ARL5B: variants seen among roughly 807,000 people sequenced by gnomAD.
The protein encoded by ARL5B is ARF like GTPase 5B.
Under a neutral mutation model 26.9 loss-of-function variants are expected in ARL5B, and 10 were observed. The ratio of observed to expected loss-of-function variants is 0.37; its 90% CI spans 0.23 to 0.63. The LOEUF (loss-of-function observed/expected upper bound fraction) is 0.63, where lower values mean the gene tolerates loss of function less well. Among genes scored for constraint, ARL5B ranks in the 30% least tolerant of loss-of-function variants. The pLI is 0.62. For synonymous variants in ARL5B, 87 were observed against 70.4 expected (o/e 1.24, Z -1.18); for missense variants, 167 against 213.9 (o/e 0.78, Z 1.37).
At chr10:18,671,102 G>A (rs566037230) in intron 3 of ARL5B, among the ~76,000 whole-genome samples, 6 of 152,188 alleles carry the variant, frequency 3.9e-5, no homozygotes, top group South Asian at 2.1e-4. Context: ...TTTGCCACGC[G>A]ACATTCTTTC....
chr10:18,669,849 C>T (rs950919087), intron 3 of ARL5B, among the ~76,000 whole-genome samples: 52 of 151,876 alleles, frequency 3.4e-4, no homozygotes, highest in African/African-American at 1.2e-3. Context: ...AAAAACTAGC[C>T]GGGCGTGGTG....
chr10:18,672,141 T>C (rs1035204670), intron 3 of ARL5B, among the ~76,000 whole-genome samples: 4 of 152,232 alleles, frequency 2.6e-5, no homozygotes, highest in African/African-American at 9.6e-5. Flanking sequence ...AATTGTCTTA[T>C]TTTTAAAATG....
Position 18,678,162 on chromosome 10 carries a change from T to C in ARL5B, c.*2946T>C, listed in dbSNP as rs1014333958. On this transcript the variant is annotated 3_prime_UTR_variant, in exon 6 of 6. Transcript: ENST00000377275. ...TAACTTAATTCCTTAAAACCTGGAA[T>C]ATTAATATATATAATCTATTAAAAG... 4.0e-5 allele frequency: 6 copies of C among 151,806 alleles called. No individual in the cohort carries two copies. Among genetic ancestry groups the C allele is most frequent in the African/African-American group, 1.4e-4 (6 of 41,428 alleles). 9.4% of individuals were successfully genotyped at this position (151,806 alleles called of 1,614,324 possible).
intron 3 of ARL5B, among the ~76,000 whole-genome samples, chr10:18,670,700 G>C (rs1194179462): frequency 6.6e-6 from 1 of 152,218 alleles, no homozygotes; most frequent in African/African-American, 2.4e-5. Context: ...TAAGCTCACA[G>C]TTAACTCCAG....
chr10:18,672,279 A>G (rs1453740768), intron 3 of ARL5B, among the ~76,000 whole-genome samples: 1 of 152,240 alleles, frequency 6.6e-6, no homozygotes, highest in Non-Finnish European at 1.5e-5. Flanking sequence ...AGTGAAAAAT[A>G]TTATTGAAAT....
rs529846860 is a variant in ARL5B at position 18,679,867 on chromosome 10, A to G, written c.*4651A>G. ...TGAATTTCTGCCTCTCCTCGTATTT[A>G]GGGTACTTAAAATTACTAAAAAATA... On this transcript the variant is annotated 3_prime_UTR_variant, in exon 6 of 6. Transcript: ENST00000377275. 1 of 151,960 alleles carries G rather than the reference A, an allele frequency of 6.6e-6. No individual in the cohort carries two copies. The highest frequency in any genetic ancestry group is 1.5e-5 in the Non-Finnish European group (1 of 67,870). 9.4% of individuals were successfully genotyped at this position (151,960 alleles called of 1,614,324 possible). A position where few individuals can be genotyped will look rare whatever the true frequency, so the allele number is the denominator to read the frequency against.
At chr10:18,668,970 C>T (rs1189659203) in intron 3 of ARL5B, among the ~76,000 whole-genome samples, 4 of 152,034 alleles carry the variant, frequency 2.6e-5, no homozygotes, top group African/African-American at 9.7e-5. Context: ...GGGGTTTCAC[C>T]ATATTGATCA....
chr10:18,668,463 CAG>C, intron 2 of ARL5B, 65 bp from the exon 3 acceptor site: 1 of 1,542,876 alleles, frequency 6.5e-7, no homozygotes, highest in Non-Finnish European at 8.9e-7. Flanking sequence ...CTTAAAAATA[CAG>C]AGATAAAAGT....
rs538867066 is a variant in ARL5B, at chr10:18,672,667, A to G, written c.301A>G (p.Ile101Val). The G allele has an allele frequency of 5.0e-6, 8 of 1,610,796 alleles. No individual in the cohort carries two copies. Among genetic ancestry groups the G allele is most frequent in the South Asian group, 2.2e-5 (2 of 90,716 alleles). The change falls in exon 4 of 6, where the codon ATT becomes GTT. Residue 101 changes from isoleucine to valine, a missense_variant. By Grantham distance (29) the Ile-to-Val change is conservative (BLOSUM62 3). Transcript: ENST00000377275. ...TAGCATTGACAGGGAACGACTAGCT[A>G]TTACAAAAGAAGAATTATACAGAAT... The part of the protein sequence containing the change: ...VDSIDRERLA[I>V]TKEELYRMLA...
rs191441582 is a variant in ARL5B, at chr10:18,680,413, G to A, written c.*5197G>A. On this transcript the variant is annotated 3_prime_UTR_variant, in exon 6 of 6. Coordinates refer to ENST00000377275, the MANE Select transcript of ARL5B (RefSeq NM_178815.5). The stretch of plus-strand genomic sequence containing the variant: ...ATTTAATTAGTTTAATTAGATAAGG[G>A]AAAGGAGAAATCCTAAATTTGATGG... 2 of 152,156 alleles carry A rather than the reference G, an allele frequency of 1.3e-5. No homozygotes were observed. The highest frequency in any genetic ancestry group is 3.9e-4 in the East Asian group (2 of 5,190). 9.4% of individuals were successfully genotyped at this position (152,156 alleles called of 1,614,324 possible).
At chr10:18,668,474 G>GT in intron 2 of ARL5B, 56 bp from the exon 3 acceptor site, 1 of 1,586,246 alleles carries the variant, frequency 6.3e-7, no homozygotes, top group Non-Finnish European at 8.6e-7. Context: ...AGAGATAAAA[G>GT]TTGCTTCAGA....
At chr10:18,671,343 T>C (rs1392450099) in intron 3 of ARL5B, among the ~76,000 whole-genome samples, 5 of 152,068 alleles carry the variant, frequency 3.3e-5, no homozygotes, top group Non-Finnish European at 7.4e-5. Flanking sequence ...GGCTGATTTT[T>C]GTGTTTTTAA....
intron 3 of ARL5B, among the ~76,000 whole-genome samples, chr10:18,671,075 A>G (rs1417536255): frequency 1.3e-5 from 2 of 151,410 alleles, no homozygotes; most frequent in Non-Finnish European, 2.9e-5. Context: ...TGTTTCCCAT[A>G]TTCTGTTGAT....
intron 2 of ARL5B, among the ~76,000 whole-genome samples, chr10:18,668,090 T>C (rs2059869617): frequency 6.6e-6 from 1 of 152,188 alleles, no homozygotes; most frequent in Non-Finnish European, 1.5e-5. Flanking sequence ...CTGAATTAAT[T>C]TTTGTGACTA....
intron 1 of ARL5B, among the ~76,000 whole-genome samples, chr10:18,660,779 A>G (rs1485599777): frequency 6.6e-6 from 1 of 152,222 alleles, no homozygotes; most frequent in Non-Finnish European, 1.5e-5. Flanking sequence ...AATATTACTT[A>G]TCAAATGATT....
intron 1 of ARL5B, among the ~76,000 whole-genome samples, chr10:18,662,658 T>C (rs1427189280): frequency 1.3e-5 from 2 of 152,032 alleles, no homozygotes; most frequent in African/African-American, 4.8e-5. Flanking sequence ...CTCAGTGTTA[T>C]GATTGTGGAA....
At chr10:18,673,844 T>C (rs989749175) in intron 4 of ARL5B, 140 bp from the exon 5 acceptor site, 13 of 597,804 alleles carry the variant, frequency 2.2e-5, no homozygotes, top group African/African-American at 5.8e-5. Context: ...ATAATGAAAT[T>C]ACGGGTATTT....
chr10:18,675,823 T>C lies in ARL5B; in HGVS notation c.*607T>C, dbSNP rs974583284. 6.6e-6 allele frequency: 1 copy of C among 152,106 alleles called. No individual in the cohort carries two copies. The highest frequency in any genetic ancestry group is 1.9e-4 in the East Asian group (1 of 5,206). The allele number at this position is 152,106 out of a possible 1,614,324, so 9.4% of individuals were successfully genotyped here. A position where few individuals can be genotyped will look rare whatever the true frequency, so the allele number is the denominator to read the frequency against. ...AGTCATGGAATAATGTTTAAGTTGT[T>C]ATTTGCATGGAAATTAAGTAGGCTG... On this transcript the variant is annotated 3_prime_UTR_variant, in exon 6 of 6. Transcript: ENST00000377275.
intron 3 of ARL5B, among the ~76,000 whole-genome samples, chr10:18,671,251 C>G (rs2059885723): frequency 6.6e-6 from 1 of 151,364 alleles, no homozygotes; most frequent in Admixed American, 6.6e-5. Context: ...GAGAGCAGTG[C>G]AGCCTCCGCC....
Sources: gnomAD v4.1 joint callset for allele counts (sites outside exome capture counted in the v4.1 genomes callset) on GRCh38, gnomAD v4.1.1 for gene constraint, MANE v1.5 for transcripts, NCBI Gene and HGNC (gene_info 2026-07-23, HGNC 2026-07-21) for gene names.